PLXDC1: variants seen among roughly 807,000 people sequenced by gnomAD.
PLXDC1 encodes the protein plexin domain containing 1.
Under a neutral mutation model 61.3 loss-of-function variants are expected in PLXDC1, and 39 were observed. The ratio of observed to expected loss-of-function variants is 0.64; its 90% CI spans 0.49 to 0.83. The LOEUF (loss-of-function observed/expected upper bound fraction) is 0.83, where lower values mean the gene tolerates loss of function less well. PLXDC1 is among the 40% of genes least tolerant of loss of function. The probability of loss-of-function intolerance (pLI) is 0.00; values close to 1 mark genes in which losing one functional copy is unlikely to be tolerated. For synonymous variants in PLXDC1, 212 were observed against 254.5 expected (o/e 0.83, Z 1.59); for missense variants, 596 against 666.5 (o/e 0.89, Z 1.17).
chr17:39,125,477 C>A (rs1336709670), intron 2 of PLXDC1, among the ~76,000 whole-genome samples: 1 of 152,142 alleles, frequency 6.6e-6, no homozygotes, highest in African/African-American at 2.4e-5. Context: ...TCATCCTATC[C>A]TGGCAATGAC....
intron 7 of PLXDC1, among the ~76,000 whole-genome samples, chr17:39,101,968 T>C (rs545118538): frequency 6.6e-6 from 1 of 151,950 alleles, no homozygotes; most frequent in South Asian, 2.1e-4. Flanking sequence ...GAAGAAAGAA[T>C]AGAAAGGGAG....
chr17:39,138,084 C>A (rs482727), intron 2 of PLXDC1, among the ~76,000 whole-genome samples: 9,980 of 152,138 alleles, frequency 0.066, 447 homozygotes, highest in East Asian at 0.13. Flanking sequence ...AGGGGCAAAC[C>A]ACCACATCCA....
intron 11 of PLXDC1, 27 bp from the exon 12 acceptor site, chr17:39,072,512 A>G (rs9907595): frequency 0.79 from 1,119,108 of 1,425,466 alleles, 441,694 homozygotes; most frequent in Admixed American, 0.89. Context: ...CAGAAGGAGC[A>G]AGATTAGTGG....
At chr17:39,139,903 T>G in intron 1 of PLXDC1, 71 bp from the exon 2 acceptor site, 1 of 1,459,394 alleles carries the variant, frequency 6.9e-7, no homozygotes, top group Non-Finnish European at 9.2e-7. Context: ...TCCAGCCCAG[T>G]TATTCTGCAA....
At chr17:39,088,977 A>G (rs375899624) in intron 7 of PLXDC1, among the ~76,000 whole-genome samples, 2,003 of 123,648 alleles carry the variant, frequency 0.016, 23 homozygotes, top group Middle Eastern at 0.022. Context: ...GAGAGAGAGA[A>G]AAAGAAAGAA....
chr17:39,129,661 G>GA (rs1344880260), intron 2 of PLXDC1, among the ~76,000 whole-genome samples: 1 of 50,442 alleles, frequency 2.0e-5, no homozygotes, highest in African/African-American at 8.0e-5. Context: ...GAGAGAGAAA[G>GA]AAAGAAAGAG....
At chr17:39,120,227 C>A (rs976473248) in intron 2 of PLXDC1, among the ~76,000 whole-genome samples, 1 of 152,168 alleles carries the variant, frequency 6.6e-6, no homozygotes, top group Non-Finnish European at 1.5e-5. Context: ...CCTCGGCTCA[C>A]GGCAACCTCT....
chr17:39,092,596 TACA>T (rs1181174051), intron 7 of PLXDC1, among the ~76,000 whole-genome samples: 1 of 152,216 alleles, frequency 6.6e-6, no homozygotes, highest in Non-Finnish European at 1.5e-5. Context: ...CATTTCCCCT[TACA>T]ACTTCCTGAG....
chr17:39,134,299 T>C (rs1317762788), intron 2 of PLXDC1, among the ~76,000 whole-genome samples: 1 of 150,882 alleles, frequency 6.6e-6, no homozygotes, highest in Non-Finnish European at 1.5e-5. Context: ...GTCTATTCCC[T>C]GTGCCCCAGT....
chr17:39,146,214 G>A (rs1490607712), intron 1 of PLXDC1, among the ~76,000 whole-genome samples: 2 of 152,012 alleles, frequency 1.3e-5, no homozygotes, highest in African/African-American at 4.8e-5. Context: ...GGGACTACAG[G>A]AGTGCGCCAC....
rs1349970264 is a variant in PLXDC1, at chr17:39,139,803, C to G, written c.106G>C (p.Ala36Pro). The G allele has an allele frequency of 1.2e-6, 2 of 1,611,978 alleles. No homozygotes were observed. Among genetic ancestry groups the G allele is most frequent in the African/African-American group, 2.7e-5 (2 of 74,888 alleles). The part of the protein sequence containing the change: ...GHDEGPGSGW[A>P]AKGTVRGWNR... ...CAGCCCCGCACGGTCCCTTTGGCAG[C>G]CCATCCAGAGCCTGGGCCCTCATCG... The change falls in exon 2 of 14, where the codon GCT becomes CCT. Residue 36 changes from alanine (A) to proline (P), a missense_variant. Physicochemically the swap from Ala to Pro is conservative, Grantham distance 27 (BLOSUM62 -1). Transcript: ENST00000315392.
intron 11 of PLXDC1, among the ~76,000 whole-genome samples, chr17:39,076,654 G>A (rs62076612): frequency 0.035 from 5,265 of 152,138 alleles, 83 homozygotes; most frequent in Non-Finnish European, 0.04. Flanking sequence ...AGGGGAGGCT[G>A]TAAAGAACCC....
chr17:39,123,738 G>A (rs1055420721), intron 2 of PLXDC1, among the ~76,000 whole-genome samples: 16 of 152,162 alleles, frequency 1.1e-4, no homozygotes, highest in African/African-American at 2.9e-4. Context: ...CCAGAGGCCC[G>A]ACAGGCACTT....
chr17:39,095,362 G>GCCCTGCCCCCACC (rs1910119863), intron 7 of PLXDC1, among the ~76,000 whole-genome samples: 1 of 1,672 alleles, frequency 6.0e-4, no homozygotes, highest in African/African-American at 1.4e-3. Context: ...GAATCCTTAC[G>GCCCTGCCCCCACC]CCCCGCCCCC....
At position 39,063,548 on chromosome 17, in the gene PLXDC1, T is replaced by A. The variant is rs1278452452; in HGVS notation, c.*4292A>T. The A allele has an allele frequency of 2.9e-6, 2 of 700,412 alleles. No individual in the cohort carries two copies. Among genetic ancestry groups the A allele is most frequent in the Non-Finnish European group, 5.2e-6 (2 of 384,254 alleles). 43.4% of individuals were successfully genotyped at this position (700,412 alleles called of 1,614,324 possible). On this transcript the variant is annotated 3_prime_UTR_variant, in exon 14 of 14. Transcript: ENST00000315392. ...AGTTCAGCAGCCATCAGAACCAAGG[T>A]ATGTGTGGTGATCTTCGGAATGCCA...
At chr17:39,143,090 A>C (rs2143962064) in intron 1 of PLXDC1, among the ~76,000 whole-genome samples, 1 of 152,190 alleles carries the variant, frequency 6.6e-6, no homozygotes, top group Admixed American at 6.5e-5. Context: ...GTGAGCCGAG[A>C]TTGCGCCACT....
intron 7 of PLXDC1, among the ~76,000 whole-genome samples, chr17:39,091,617 G>T (rs1221863189): frequency 6.6e-6 from 1 of 152,134 alleles, no homozygotes; most frequent in East Asian, 1.9e-4. Flanking sequence ...TTATGAGAGA[G>T]GAGATGAGCT....
At chr17:39,136,227 T>A (rs745347209) in intron 2 of PLXDC1, among the ~76,000 whole-genome samples, 4 of 152,012 alleles carry the variant, frequency 2.6e-5, no homozygotes, top group African/African-American at 4.8e-5. Context: ...TGATGCCATG[T>A]CCCCTGAAGT....
chr17:39,120,898 C>T (rs1300398357), intron 2 of PLXDC1, among the ~76,000 whole-genome samples: 1 of 152,114 alleles, frequency 6.6e-6, no homozygotes, highest in Non-Finnish European at 1.5e-5. Context: ...TCTGGGATTA[C>T]AGGCATGCGC....
Sources: allele counts gnomAD v4.1 joint callset (sites outside exome capture counted in the v4.1 genomes callset), GRCh38; gene constraint gnomAD v4.1.1; transcripts MANE v1.5; gene names NCBI Gene and HGNC (gene_info 2026-07-23, HGNC 2026-07-21).